IL2RA: variants seen among roughly 807,000 people sequenced by gnomAD.
IL2RA encodes the protein interleukin 2 receptor subunit alpha.
A neutral mutation model predicts 37.8 loss-of-function variants in IL2RA; 24 were observed. The ratio of observed to expected loss-of-function variants is 0.63; its 90% CI spans 0.46 to 0.89. The LOEUF (loss-of-function observed/expected upper bound fraction) is 0.89, where lower values mean the gene tolerates loss of function less well. Ranked by LOEUF, IL2RA falls within the 40% of genes least tolerant of loss-of-function variation. The pLI, the probability that IL2RA is intolerant of heterozygous loss-of-function variation, is 0.00. For synonymous variants in IL2RA, 125 were observed against 114.6 expected, an observed-to-expected ratio of 1.09 and a Z score of -0.58; for missense variants, 319 against 348.6, an observed-to-expected ratio of 0.92 and a Z score of 0.68.
chr10:6,014,187 G>A lies in IL2RA; in HGVS notation c.795-1291C>T, dbSNP rs910830762. Among the ~76,000 whole-genome samples the A allele has an allele frequency of 4.6e-5, 7 of 152,082 alleles. No homozygotes were observed. The highest frequency in any genetic ancestry group is 7.2e-5 in the African/African-American group (3 of 41,392). ...TTGCAGAAGTCCCGAAAATTTAACC[G>A]CTGGCTCTCACAAGCCACTGTGAGC... On this transcript the variant is annotated intron_variant, in intron 7 of 7. Transcript: ENST00000379959. The surrounding 1 kb of genome is among the most constrained non-coding windows in gnomAD (Gnocchi z 4.4).
chr10:6,024,260 G>A lies in IL2RA; in HGVS notation c.351C>T (p.Asp117=), dbSNP rs1248279659. 1.2e-6 allele frequency: 2 copies of A among 1,612,684 alleles called. No homozygotes were observed. The highest frequency in any genetic ancestry group is 1.7e-6 in the Non-Finnish European group (2 of 1,178,646). The change falls in exon 3 of 8, where the codon GAC becomes GAT. Residue 117 remains aspartate (D), a synonymous_variant. Transcript: ENST00000379959. ...TEMQSPMQPV[D]QASLPGHCRE... ...ATCTCTCACCTGGAAGGCTCGCTTG[G>A]TCCACTGGCTGCATTGGACTTTGCA...
At chr10:6,052,274 T>G (rs12722633) in intron 1 of IL2RA, among the ~76,000 whole-genome samples, 14 of 152,220 alleles carry the variant, frequency 9.2e-5, no homozygotes, top group African/African-American at 3.1e-4. Flanking sequence ...GTCCCTGATG[T>G]GAGATGTGCT....
chr10:6,061,912 C>A (rs549070061), intron 1 of IL2RA, among the ~76,000 whole-genome samples, 176 bp downstream of exon 1: 1 of 152,278 alleles, frequency 6.6e-6, no homozygotes, highest in East Asian at 1.9e-4. Flanking sequence ...TCTTGACAGA[C>A]CAAGGAACAG....
Position 6,047,883 on chromosome 10 carries a change from C to A in IL2RA, c.64+14205G>T, listed in dbSNP as rs1839891990. On this transcript the variant is annotated intron_variant, in intron 1 of 7. Coordinates refer to ENST00000379959, the MANE Select transcript of IL2RA (RefSeq NM_000417.3). The surrounding 1 kb of genome is among the most constrained non-coding windows in gnomAD (Gnocchi z 5.0). The stretch of plus-strand genomic sequence containing the variant: ...ATAGTCAATATAATTAAAATTATTA[C>A]TTATGCAGTAATTAATTATGAGGTG... 1.3e-5 allele frequency among the ~76,000 whole-genome samples: 2 copies of A among 151,870 alleles called. No homozygotes were observed. The highest frequency in any genetic ancestry group is 2.1e-4 in the South Asian group (1 of 4,834).
intron 7 of IL2RA, among the ~76,000 whole-genome samples, chr10:6,016,062 T>TC (rs978801501): frequency 6.6e-6 from 1 of 152,082 alleles, no homozygotes; most frequent in African/African-American, 2.4e-5. Context: ...TTTGAATACA[T>TC]CCCCCAGAGC....
At chr10:6,062,057 C>A (rs759800570) in intron 1 of IL2RA, 31 bp downstream of exon 1, 6 of 1,599,044 alleles carry the variant, frequency 3.8e-6, no homozygotes, top group Non-Finnish European at 5.1e-6. Context: ...TCAGCCTTCC[C>A]GGAATTCCGG....
chr10:6,055,106 G>A (rs1056757303), intron 1 of IL2RA, among the ~76,000 whole-genome samples: 1 of 152,128 alleles, frequency 6.6e-6, no homozygotes, highest in South Asian at 2.1e-4. Flanking sequence ...CACAACATAG[G>A]CCTCCTGTGG....
intron 1 of IL2RA, among the ~76,000 whole-genome samples, chr10:6,051,419 A>G (rs1037052037): frequency 6.6e-6 from 1 of 152,008 alleles, no homozygotes; most frequent in Non-Finnish European, 1.5e-5. Context: ...TGGTGACGTA[A>G]TAAACTGATC....
In IL2RA at chr10:6,040,212, AATAT is replaced by A. The variant is rs1439227740; in HGVS notation, c.65-14191_65-14188del. 2.0e-5 allele frequency among the ~76,000 whole-genome samples: 3 copies of A among 152,330 alleles called. No homozygotes were observed. In the East Asian group the frequency reaches 5.8e-4, roughly 29 times the overall value. On this transcript the variant is annotated intron_variant, in intron 1 of 7. Coordinates refer to ENST00000379959, the MANE Select transcript of IL2RA (RefSeq NM_000417.3). ...TGTTGTTTTTAGAACCCAATGATAA[AATAT>A]ATAGTTACTTTCTAAGCTGAAAAAC...
At chr10:6,016,519 T>C (rs368292314) in intron 7 of IL2RA, among the ~76,000 whole-genome samples, 1,137 of 45,932 alleles carry the variant, frequency 0.025, 25 homozygotes, top group African/African-American at 0.065. Flanking sequence ...TACTGATGTC[T>C]TGGGCTCACC....
chr10:6,057,414 A>G lies in IL2RA; in HGVS notation c.64+4674T>C, dbSNP rs925121940. ...GTGCCAGTATGTCTTCATTTGGGAA[A>G]CTTTTTCATCCCAAAGTTCCCCAGC... On this transcript the variant is annotated intron_variant, in intron 1 of 7. Coordinates refer to ENST00000379959, the MANE Select transcript of IL2RA (RefSeq NM_000417.3). This position sits in a 1 kb window ranked among gnomAD's most constrained non-coding sequence, Gnocchi z 4.8. Among the ~76,000 whole-genome samples, 15 of 152,278 alleles carry G rather than the reference A, an allele frequency of 9.9e-5. No individual in the cohort carries two copies. Among genetic ancestry groups the G allele is most frequent in the Non-Finnish European group, 2.1e-4 (14 of 68,016 alleles).
At chr10:6,050,907 C>T (rs999151915) in intron 1 of IL2RA, among the ~76,000 whole-genome samples, 1 of 152,038 alleles carries the variant, frequency 6.6e-6, no homozygotes, top group Non-Finnish European at 1.5e-5. Flanking sequence ...ACTGATGGTC[C>T]GGTGGGTGAA....
rs114437515 is a variant in IL2RA, at chr10:6,021,029, C to A, written c.583+449G>T. Among the ~76,000 whole-genome samples, 80 of 152,132 alleles carry A rather than the reference C, an allele frequency of 5.3e-4. No individual in the cohort carries two copies. Among genetic ancestry groups the A allele is most frequent in the African/African-American group, 1.9e-3 (79 of 41,502 alleles). ...TTACAAGCTCAGCTGGGGAATGGCA[C>A]AAGGGGAAGGAACATGCTGACCGTG... On this transcript the variant is annotated intron_variant, in intron 4 of 7. Coordinates refer to ENST00000379959, the MANE Select transcript of IL2RA (RefSeq NM_000417.3). This position sits in a 1 kb window ranked among gnomAD's most constrained non-coding sequence, Gnocchi z 4.9.
rs1839354112 is a variant in IL2RA, at chr10:6,019,880, G to A, written c.645C>T (p.Val215=). ...GRPESETSCL[V]TTTDFQIQTE... ...TGTCTTCTCCCGCACCTGTTGTTGT[G>A]ACGAGGCAGGAAGTCTCACTCTCAG... The change falls in exon 5 of 8, where the codon GTC becomes GTT. Residue 215 remains valine (V), a synonymous_variant. Coordinates refer to ENST00000379959, the MANE Select transcript of IL2RA (RefSeq NM_000417.3). The A allele has an allele frequency of 7.4e-6, 12 of 1,614,096 alleles. No homozygotes were observed. Among genetic ancestry groups the A allele is most frequent in the Non-Finnish European group, 1.0e-5 (12 of 1,179,948 alleles).
chr10:6,058,051 C>T lies in IL2RA; in HGVS notation c.64+4037G>A, dbSNP rs778503355. On this transcript the variant is annotated intron_variant, in intron 1 of 7. Transcript: ENST00000379959. The surrounding 1 kb of genome is among the most constrained non-coding windows in gnomAD (Gnocchi z 4.2). ...CTGAGGCAGGAGAATCACTTGAACCCGGGAGGCAGAGGTTGCAGTGAGCCA... is the reference window on the plus strand; with the variant it reads ...CTGAGGCAGGAGAATCACTTGAACCTGGGAGGCAGAGGTTGCAGTGAGCCA... Among the ~76,000 whole-genome samples the T allele has an allele frequency of 3.3e-5, 5 of 152,048 alleles. No homozygotes were observed. Among genetic ancestry groups the T allele is most frequent in the African/African-American group, 1.2e-4 (5 of 41,376 alleles).
intron 2 of IL2RA, among the ~76,000 whole-genome samples, chr10:6,024,735 CA>C (rs1839452925): frequency 6.6e-6 from 1 of 152,204 alleles, no homozygotes; most frequent in South Asian, 2.1e-4. Context: ...TGTTGTTTGA[CA>C]GCAGCAGGAG....
chr10:6,024,119 G>A (rs1403172889), intron 3 of IL2RA, 125 bp downstream of exon 3: 2 of 722,594 alleles, frequency 2.8e-6, no homozygotes, highest in East Asian at 2.7e-5. Context: ...GTCTTGGGAG[G>A]ACGGAGCCAC....
In IL2RA at chr10:6,024,279, C is replaced by T. The variant is rs56054476; in HGVS notation, c.332G>A (p.Ser111Asn). Residue 111 changes from serine (S) to asparagine (N), a missense_variant, in exon 3 of 8, where the codon AGT becomes AAT. Ser to Asn is a conservative substitution (Grantham distance 46, BLOSUM62 1). Transcript: ENST00000379959. ...QKERKTTEMQ[S>N]PMQPVDQASL... Reference sequence around the variant, plus strand: ...CGCTTGGTCCACTGGCTGCATTGGACTTTGCATTTCTGTGGTTTTCCTTTC... The same window carrying T: ...CGCTTGGTCCACTGGCTGCATTGGATTTTGCATTTCTGTGGTTTTCCTTTC... 532 of 1,614,132 alleles carry T rather than the reference C, an allele frequency of 3.3e-4. No individual in the cohort carries two copies. Among genetic ancestry groups the T allele is most frequent in the Admixed American group, 1.3e-3 (77 of 60,022 alleles).
chr10:6,012,884 T>C lies in IL2RA; in HGVS notation c.807A>G (p.Arg269=), dbSNP rs1489018262. The change falls in exon 8 of 8, where the codon AGA becomes AGG. Residue 269 remains arginine, a synonymous_variant. Transcript: ENST00000379959. The surrounding 1 kb of genome is among the most constrained non-coding windows in gnomAD (Gnocchi z 4.8). ...LTWQRRQRKS[R]RTI ...TTCTTTTGGTTTTCTAGATTGTTCT[T>C]CTACTCTTCCTCCTGTAGTGGTGTA... is the stretch of plus-strand genomic sequence containing the variant. 4 of 1,614,152 alleles carry C rather than the reference T, an allele frequency of 2.5e-6. No individual in the cohort carries two copies. The highest frequency in any genetic ancestry group is 3.4e-6 in the Non-Finnish European group (4 of 1,179,976).
Sources: allele counts gnomAD v4.1 joint callset (sites outside exome capture counted in the v4.1 genomes callset), GRCh38; gene constraint gnomAD v4.1.1; non-coding constraint Gnocchi (gnomAD v3.1); transcripts MANE v1.5; gene names NCBI Gene and HGNC (gene_info 2026-07-23, HGNC 2026-07-21).